Variants in TRPM6 observed in about 807,000 individuals in gnomAD.
TRPM6 encodes the protein transient receptor potential cation channel subfamily M member 6, also known as channel kinase 2.
Under a neutral mutation model 247.6 loss-of-function variants are expected in TRPM6, and 111 were observed. The ratio of observed to expected loss-of-function variants is 0.45; its 90% CI spans 0.38 to 0.52. TRPM6 has a LOEUF of 0.52. Among genes scored for constraint, TRPM6 ranks in the 20% least tolerant of loss-of-function variants. The pLI, the probability that TRPM6 is intolerant of heterozygous loss-of-function variation, is 0.00. For missense variants in TRPM6, 2,126 were observed against 2,421.5 expected, an observed-to-expected ratio of 0.88 and a Z score of 2.56; for synonymous variants, 892 against 853.8, an observed-to-expected ratio of 1.04 and a Z score of -0.78.
chr9:74,820,198 C>A, intron 9 of TRPM6, 106 bp downstream of exon 9: 1 of 1,327,232 alleles, frequency 7.5e-7, no homozygotes, highest in South Asian at 1.2e-5. Flanking sequence ...ATGTTGTTCC[C>A]CTTCCTGTGT....
chr9:74,806,922 G>T (rs1042482096), intron 14 of TRPM6, among the ~76,000 whole-genome samples: 1 of 152,162 alleles, frequency 6.6e-6, no homozygotes, highest in Non-Finnish European at 1.5e-5. Flanking sequence ...TTTAAAGAAA[G>T]GGCACTAAGG....
Position 74,761,989 on chromosome 9 carries a change from T to C in TRPM6, c.4672+10A>G. 1 of 1,612,388 alleles carries C rather than the reference T, an allele frequency of 6.2e-7. No individual in the cohort carries two copies. Among genetic ancestry groups the C allele is most frequent in the Non-Finnish European group, 8.5e-7 (1 of 1,178,552 alleles). Reference sequence around the variant, plus strand: ...ACTTAATGCTGATATTTTAAATGTTTATTCCTTACTTTTAATCTTACAGAT... The same window carrying C: ...ACTTAATGCTGATATTTTAAATGTTCATTCCTTACTTTTAATCTTACAGAT... On this transcript the variant is annotated intron_variant, in intron 26 of 38. Coordinates refer to ENST00000360774, the MANE Select transcript of TRPM6 (RefSeq NM_017662.5).
chr9:74,749,916 G>T (rs565067580), intron 30 of TRPM6, among the ~76,000 whole-genome samples: 2 of 152,098 alleles, frequency 1.3e-5, no homozygotes, highest in East Asian at 1.9e-4. Context: ...CTACCTGCTG[G>T]GTATCAACTG....
At chr9:74,790,707 T>G (rs953061838) in intron 19 of TRPM6, among the ~76,000 whole-genome samples, 2 of 152,198 alleles carry the variant, frequency 1.3e-5, no homozygotes, top group African/African-American at 4.8e-5. Flanking sequence ...AATCTTAGGT[T>G]ACCCTCAGCC....
Position 74,824,511 on chromosome 9 carries a change from GAAAAAAAAAAAAAAAAAAA to G in TRPM6, c.842-2693_842-2675del, listed in dbSNP as rs59044061. Among the ~76,000 whole-genome samples the G allele has an allele frequency of 6.9e-3, 323 of 47,032 alleles. 4 individuals carry two copies. The highest frequency in any genetic ancestry group is 0.021 in the Middle Eastern group (1 of 48). 30.9% of individuals were successfully genotyped at this position (47,032 alleles called of 152,430 possible). A position where few individuals can be genotyped will look rare whatever the true frequency, so the allele number is the denominator to read the frequency against. Reference sequence around the variant, plus strand: ...ATCAAATATATTTATGGCTTTTTCTGAAAAAAAAAAAAAAAAAAAAAAAAAAAAAAAAAAATCTTACTGA... The same window carrying G: ...ATCAAATATATTTATGGCTTTTTCTGAAAAAAAAAAAAAAAATCTTACTGA... On this transcript the variant is annotated intron_variant, in intron 7 of 38. Coordinates refer to ENST00000360774, the MANE Select transcript of TRPM6 (RefSeq NM_017662.5).
chr9:74,832,722 T>C (rs1682563940), intron 6 of TRPM6, among the ~76,000 whole-genome samples: 1 of 152,196 alleles, frequency 6.6e-6, no homozygotes, highest in Non-Finnish European at 1.5e-5. Flanking sequence ...TTCTAACTTC[T>C]CTACTGCCTA....
chr9:74,861,230 T>A (rs1830681892), intron 1 of TRPM6, among the ~76,000 whole-genome samples: 1 of 152,196 alleles, frequency 6.6e-6, no homozygotes, highest in Admixed American at 6.5e-5. Context: ...AATACCTGAA[T>A]CTATGAATTC....
At position 74,750,741 on chromosome 9, in the gene TRPM6, C is replaced by T; in HGVS notation, c.4999-19G>A. 1 of 1,613,306 alleles carries T rather than the reference C, an allele frequency of 6.2e-7. No individual in the cohort carries two copies. The highest frequency in any genetic ancestry group is 8.5e-7 in the Non-Finnish European group (1 of 1,179,324). On this transcript the variant is annotated intron_variant, in intron 29 of 38. Transcript: ENST00000360774. ...TGAGATCCTGAGCAGAAGGGAAAGG[C>T]CGTTACGTGTGTGCTCAACATAGTC...
In TRPM6 at chr9:74,757,103, G is replaced by A. The variant is rs547818984; in HGVS notation, c.4786-1630C>T. On this transcript the variant is annotated intron_variant, in intron 27 of 38. Coordinates refer to ENST00000360774, the MANE Select transcript of TRPM6 (RefSeq NM_017662.5). ...TGAGGCAGGAGAATCACTTGAACCCGGGAGGCGGAGGATGCAGTGAGCCAA... is the reference window on the plus strand; with the variant it reads ...TGAGGCAGGAGAATCACTTGAACCCAGGAGGCGGAGGATGCAGTGAGCCAA... 4.7e-5 allele frequency among the ~76,000 whole-genome samples: 7 copies of A among 150,262 alleles called. No homozygotes were observed. In the South Asian group the frequency reaches 1.1e-3, roughly 23 times the overall value.
intron 29 of TRPM6, among the ~76,000 whole-genome samples, 172 bp from the exon 30 acceptor site, chr9:74,750,894 T>C (rs998829990): frequency 9.9e-5 from 15 of 152,186 alleles, no homozygotes; most frequent in African/African-American, 1.4e-4. Flanking sequence ...TGCATAATGT[T>C]AGAGCAATGT....
intron 3 of TRPM6, among the ~76,000 whole-genome samples, chr9:74,849,284 G>A (rs1830210011): frequency 6.6e-6 from 1 of 150,596 alleles, no homozygotes; most frequent in African/African-American, 2.4e-5. Context: ...CCAGGAGGCG[G>A]AGGTTGCAGT....
chr9:74,735,481 T>C (rs1210536306), intron 36 of TRPM6, among the ~76,000 whole-genome samples: 1 of 152,138 alleles, frequency 6.6e-6, no homozygotes, highest in African/African-American at 2.4e-5. Flanking sequence ...GGAAATTTTT[T>C]TATGTAGTAG....
At chr9:74,887,176 T>C in intron 1 of TRPM6, 3 of 1,167,186 alleles carry the variant, frequency 2.6e-6, no homozygotes, top group Non-Finnish European at 3.3e-6. Flanking sequence ...AGGTTGCAAG[T>C]CCGGGCGGCG....
At chr9:74,731,462 A>T (rs1193408992) in intron 37 of TRPM6, among the ~76,000 whole-genome samples, 1 of 151,886 alleles carries the variant, frequency 6.6e-6, no homozygotes, top group African/African-American at 2.4e-5. Flanking sequence ...AATAAATATC[A>T]TAGGAATTAG....
intron 1 of TRPM6, among the ~76,000 whole-genome samples, chr9:74,879,397 T>G (rs908458048): frequency 6.6e-6 from 1 of 151,906 alleles, no homozygotes; most frequent in Non-Finnish European, 1.5e-5. Flanking sequence ...TGGATATATA[T>G]AGGGTTTTAC....
chr9:74,738,063 A>T (rs1825749560), intron 36 of TRPM6, among the ~76,000 whole-genome samples: 1 of 152,208 alleles, frequency 6.6e-6, no homozygotes, highest in South Asian at 2.1e-4. Context: ...CAGAATTTAA[A>T]TGTTCCTATG....
chr9:74,877,823 G>A (rs1005713860), intron 1 of TRPM6, among the ~76,000 whole-genome samples: 12 of 152,076 alleles, frequency 7.9e-5, no homozygotes, highest in Non-Finnish European at 1.6e-4. Context: ...CCAGCAGCAG[G>A]GCCACAATGC....
At chr9:74,753,136 A>T (rs1203444701) in intron 28 of TRPM6, among the ~76,000 whole-genome samples, 1 of 149,894 alleles carries the variant, frequency 6.7e-6, no homozygotes, top group Non-Finnish European at 1.5e-5. Flanking sequence ...AAAAGAAAGG[A>T]ATGCCATCAA....
At chr9:74,740,354 T>C (rs1353328819) in intron 33 of TRPM6, among the ~76,000 whole-genome samples, 1 of 152,236 alleles carries the variant, frequency 6.6e-6, no homozygotes, top group Non-Finnish European at 1.5e-5. Flanking sequence ...AACCTGATGG[T>C]GTTGCTTATT....
Sources: gnomAD v4.1 joint callset for allele counts (sites outside exome capture counted in the v4.1 genomes callset) on GRCh38, gnomAD v4.1.1 for gene constraint, MANE v1.5 for transcripts, NCBI Gene and HGNC (gene_info 2026-07-23, HGNC 2026-07-21) for gene names.